The following FSTL5 variants were observed in gnomAD, a reference collection of about 807,000 sequenced individuals.
FSTL5 encodes the protein follistatin like 5, also known as follistatin-related protein 5.
FSTL5 carries 62 observed loss-of-function variants against 89.1 expected under a neutral mutation model. That is an observed-to-expected ratio of 0.70 (90% CI 0.57 to 0.86). The LOEUF (loss-of-function observed/expected upper bound fraction) is 0.86. Among genes scored for constraint, FSTL5 ranks in the 40% least tolerant of loss-of-function variants. FSTL5 has a pLI of 0.00. For missense variants in FSTL5, 1,057 were observed against 1,001.6 expected, an observed-to-expected ratio of 1.06 and a Z score of -0.75; for synonymous variants, 383 against 346.2, an observed-to-expected ratio of 1.11 and a Z score of -1.18.
chr4:161,398,239 A>C (rs933581519), intron 15 of FSTL5, among the ~76,000 whole-genome samples: 20 of 152,102 alleles, frequency 1.3e-4, no homozygotes, highest in Non-Finnish European at 2.9e-4. Context: ...CAACAAGAAA[A>C]TGTAGAAATA....
intron 10 of FSTL5, among the ~76,000 whole-genome samples, chr4:161,514,957 G>A (rs961485940): frequency 1.3e-5 from 2 of 151,980 alleles, no homozygotes; most frequent in Admixed American, 1.3e-4. Flanking sequence ...TATAGAAAGT[G>A]TAGCAAATTA....
At chr4:161,851,681 C>A (rs1731553631) in intron 4 of FSTL5, among the ~76,000 whole-genome samples, 2 of 151,842 alleles carry the variant, frequency 1.3e-5, no homozygotes, top group African/African-American at 4.8e-5. Flanking sequence ...TTGTTGTTAA[C>A]AGGAAATTTT....
In FSTL5 at chr4:161,900,653, A is replaced by AG. The variant is rs1400407524; in HGVS notation, c.409+19750_409+19751insC. Among the ~76,000 whole-genome samples, 1,248 of 132,450 alleles carry AG rather than the reference A, an allele frequency of 9.4e-3. 17 individuals carry two copies. Among genetic ancestry groups the AG allele is most frequent in the African/African-American group, 0.032 (1,159 of 36,376 alleles). The allele number at this position is 132,450 out of a possible 152,430, so 86.9% of individuals were successfully genotyped here. On this transcript the variant is annotated intron_variant, in intron 4 of 15. Transcript: ENST00000306100. ...GACTCCATCTCAAAAAAAAAAAAAA[A>AG]AAAAAGAAAGAAAGAAAGAAAGAAA...
chr4:161,918,835 G>T (rs996759311), intron 4 of FSTL5, among the ~76,000 whole-genome samples: 2 of 151,958 alleles, frequency 1.3e-5, no homozygotes, highest in South Asian at 4.2e-4. Context: ...TAGAGATGGG[G>T]TTTCATCATA....
At chr4:161,521,658 C>G (rs1289521599) in intron 10 of FSTL5, among the ~76,000 whole-genome samples, 1 of 151,748 alleles carries the variant, frequency 6.6e-6, no homozygotes, top group African/African-American at 2.4e-5. Context: ...ACCATCCTGG[C>G]TAACACGGTG....
intron 1 of FSTL5, among the ~76,000 whole-genome samples, chr4:162,143,811 CACACACACATACAA>C (rs1417971141): frequency 5.4e-4 from 53 of 98,468 alleles, no homozygotes; most frequent in Non-Finnish European, 7.0e-4. Flanking sequence ...CACACACACA[CACACACACATACAA>C]ACACACACGG....
intron 4 of FSTL5, among the ~76,000 whole-genome samples, chr4:161,826,459 A>T (rs1730671967): frequency 6.6e-6 from 1 of 152,040 alleles, no homozygotes; most frequent in Non-Finnish European, 1.5e-5. Flanking sequence ...TGTCTTGATG[A>T]CCTGTTTACT....
In FSTL5 at chr4:161,694,934, G is replaced by A. The variant is rs1311767117; in HGVS notation, c.728-38440C>T. On this transcript the variant is annotated intron_variant, in intron 6 of 15. Coordinates refer to ENST00000306100, the MANE Select transcript of FSTL5 (RefSeq NM_020116.5). The stretch of plus-strand genomic sequence containing the variant: ...ATTCAATTATCACTCCAGTCAACGG[G>A]TGAACCTGACAGAGATTTTCTTAAA... 2.7e-5 allele frequency among the ~76,000 whole-genome samples: 4 copies of A among 150,684 alleles called. No homozygotes were observed. In the East Asian group the frequency reaches 5.8e-4, roughly 22 times the overall value.
At chr4:161,898,015 T>C (rs1298657406) in intron 4 of FSTL5, among the ~76,000 whole-genome samples, 1 of 150,980 alleles carries the variant, frequency 6.6e-6, no homozygotes, top group Non-Finnish European at 1.5e-5. Flanking sequence ...CTTAGCAATA[T>C]GAATGTAAGG....
intron 2 of FSTL5, among the ~76,000 whole-genome samples, chr4:162,107,718 A>G (rs1731277858): frequency 6.6e-6 from 1 of 151,992 alleles, no homozygotes; most frequent in Non-Finnish European, 1.5e-5. Context: ...AACATAAGAT[A>G]TTTCTCCTGA....
At chr4:161,844,369 G>GT (rs1731303542) in intron 4 of FSTL5, among the ~76,000 whole-genome samples, 1 of 152,116 alleles carries the variant, frequency 6.6e-6, no homozygotes, top group South Asian at 2.1e-4. Context: ...GTGGAAGACC[G>GT]TGTGGCAATT....
intron 7 of FSTL5, among the ~76,000 whole-genome samples, chr4:161,631,345 G>A (rs776179472): frequency 1.3e-5 from 2 of 152,042 alleles, no homozygotes; most frequent in Non-Finnish European, 2.9e-5. Context: ...CATGCGGCCC[G>A]GCACGGTCAT....
At chr4:161,469,726 C>T (rs1361688771) in intron 13 of FSTL5, among the ~76,000 whole-genome samples, 1 of 151,678 alleles carries the variant, frequency 6.6e-6, no homozygotes, top group Non-Finnish European at 1.5e-5. Context: ...GAAGCTCCGC[C>T]TCCCGGGTTC....
At position 161,791,618 on chromosome 4, in the gene FSTL5, A is replaced by T. The variant is rs115038486; in HGVS notation, c.410-15544T>A. Among the ~76,000 whole-genome samples the T allele has an allele frequency of 5.6e-3, 858 of 152,226 alleles. 6 individuals are homozygous for T. Among genetic ancestry groups the T allele is most frequent in the African/African-American group, 0.02 (821 of 41,548 alleles). ...GCACGCCGTGGGTCACAGTCTTTGG[A>T]CCTCAGATTTATACAATAATGGTAG... On this transcript the variant is annotated intron_variant, in intron 4 of 15. Coordinates refer to ENST00000306100, the MANE Select transcript of FSTL5 (RefSeq NM_020116.5).
At chr4:161,829,690 A>T (rs1730782980) in intron 4 of FSTL5, among the ~76,000 whole-genome samples, 1 of 152,086 alleles carries the variant, frequency 6.6e-6, no homozygotes, top group Non-Finnish European at 1.5e-5. Context: ...ATTACAATAA[A>T]AACCACCTTG....
intron 13 of FSTL5, among the ~76,000 whole-genome samples, chr4:161,461,074 G>T (rs1018387707): frequency 6.6e-6 from 1 of 151,536 alleles, no homozygotes; most frequent in Non-Finnish European, 1.5e-5. Flanking sequence ...TCCACCACAT[G>T]TTCTCTTATT....
At chr4:161,674,257 G>T (rs1279202776) in intron 6 of FSTL5, among the ~76,000 whole-genome samples, 1 of 151,764 alleles carries the variant, frequency 6.6e-6, no homozygotes, top group African/African-American at 2.4e-5. Flanking sequence ...ATGTTTTAAA[G>T]AATTTACATT....
At chr4:161,780,921 T>C (rs1233583351) in intron 4 of FSTL5, among the ~76,000 whole-genome samples, 1 of 152,170 alleles carries the variant, frequency 6.6e-6, no homozygotes, top group Non-Finnish European at 1.5e-5. Flanking sequence ...ACCAATTCCC[T>C]TCAACACAAA....
chr4:161,723,892 C>A (rs1240321478), intron 6 of FSTL5, among the ~76,000 whole-genome samples: 2 of 152,132 alleles, frequency 1.3e-5, no homozygotes, highest in South Asian at 2.1e-4. Flanking sequence ...AATAATTCTA[C>A]ACACAAAAAA....
Sources: gnomAD v4.1 joint callset for allele counts (sites outside exome capture counted in the v4.1 genomes callset) on GRCh38, gnomAD v4.1.1 for gene constraint, MANE v1.5 for transcripts, NCBI Gene and HGNC (gene_info 2026-07-23, HGNC 2026-07-21) for gene names.